Variants in PLCG2 observed in about 807,000 individuals in gnomAD.
The protein encoded by PLCG2 is phospholipase C gamma 2, also known as 1-phosphatidylinositol 4,5-bisphosphate phosphodiesterase gamma-2.
PLCG2 carries 69 observed loss-of-function variants against 175.6 expected under a neutral mutation model. The ratio of observed to expected loss-of-function variants is 0.39; its 90% confidence interval spans 0.32 to 0.48. PLCG2 has a LOEUF of 0.48. Ranked by LOEUF, PLCG2 falls within the 20% of genes least tolerant of loss-of-function variation. The pLI, the probability that PLCG2 is intolerant of heterozygous loss-of-function variation, is 0.91. For missense variants in PLCG2, 1,798 were observed against 1,650.9 expected (o/e 1.09, Z -1.54); for synonymous variants, 827 against 624.0 (o/e 1.33, Z -4.85).
intron 5 of PLCG2, among the ~76,000 whole-genome samples, 190 bp from the exon 6 acceptor site, chr16:81,869,024 T>C (rs937868228): frequency 1.3e-5 from 2 of 152,284 alleles, no homozygotes; most frequent in East Asian, 1.9e-4. Context: ...TGGACATTGC[T>C]TGAGCCTTGC....
intron 2 of PLCG2, among the ~76,000 whole-genome samples, chr16:81,764,332 A>G (rs1186152961): frequency 6.6e-6 from 1 of 152,098 alleles, no homozygotes; most frequent in Non-Finnish European, 1.5e-5. Context: ...AAAAGTGAAA[A>G]GTTACAAAGA....
At chr16:81,936,131 G>C in intron 26 of PLCG2, 38 bp from the exon 27 acceptor site, 3 of 1,609,312 alleles carry the variant, frequency 1.9e-6, no homozygotes, top group Non-Finnish European at 2.5e-6. Flanking sequence ...GCACAGATGA[G>C]ACACAGAAGT....
In PLCG2 at chr16:81,961,844, C is replaced by T. The variant is rs966223910; in HGVS notation, c.*3846C>T. The T allele has an allele frequency of 3.1e-4, 62 of 201,640 alleles. No homozygotes were observed. Among genetic ancestry groups the T allele is most frequent in the African/African-American group, 1.4e-3 (59 of 43,632 alleles). The allele number at this position is 201,640 out of a possible 1,614,324, so 12.5% of individuals were successfully genotyped here. A position where few individuals can be genotyped will look rare whatever the true frequency, so the allele number is the denominator to read the frequency against. On this transcript the variant is annotated 3_prime_UTR_variant, in exon 33 of 33. Transcript: ENST00000564138. ...ATTTATAATGAGAAATTTTAGATGT[C>T]AATATAGCAATGTGCAAGAAGATAG... is the stretch of plus-strand genomic sequence containing the variant.
chr16:81,919,756 A>C, intron 20 of PLCG2, 92 bp downstream of exon 20: 1 of 1,089,454 alleles, frequency 9.2e-7, no homozygotes, highest in Non-Finnish European at 1.4e-6. Flanking sequence ...CTGAGTATTC[A>C]CCATGTATCT....
intron 2 of PLCG2, among the ~76,000 whole-genome samples, chr16:81,808,177 T>A (rs967661601): frequency 6.6e-6 from 1 of 152,242 alleles, no homozygotes; most frequent in South Asian, 2.1e-4. Flanking sequence ...TGCTGGGCCA[T>A]GCAGTAACCA....
chr16:81,950,195 G>A (rs949785959), intron 31 of PLCG2, among the ~76,000 whole-genome samples: 2 of 152,136 alleles, frequency 1.3e-5, no homozygotes, highest in African/African-American at 4.8e-5. Flanking sequence ...AAATCTACCT[G>A]CAGTGTTTAC....
chr16:81,799,623 G>T (rs1252403504), intron 2 of PLCG2, among the ~76,000 whole-genome samples: 1 of 133,558 alleles, frequency 7.5e-6, no homozygotes, highest in African/African-American at 2.8e-5. Flanking sequence ...TTTTGAGACA[G>T]AGTCTCGCTC....
At chr16:81,824,621 G>C (rs1285472809) in intron 2 of PLCG2, among the ~76,000 whole-genome samples, 1 of 152,214 alleles carries the variant, frequency 6.6e-6, no homozygotes, top group Non-Finnish European at 1.5e-5. Flanking sequence ...GGGTGTGGGA[G>C]AGACTGGGCA....
At chr16:81,854,353 G>T (rs1209507501) in intron 2 of PLCG2, 91 bp from the exon 3 acceptor site, 8 of 1,183,346 alleles carry the variant, frequency 6.8e-6, no homozygotes, top group African/African-American at 3.0e-5. Context: ...GAAGGAAGGA[G>T]CCAGGCTGTG....
At position 81,961,297 on chromosome 16, in the gene PLCG2, T is replaced by C. The variant is rs1051156022; in HGVS notation, c.*3299T>C. On this transcript the variant is annotated 3_prime_UTR_variant, in exon 33 of 33. Transcript: ENST00000564138. ...CGGAAAATAGAATTGATGATGAACT[T>C]TGGCTCAATCTTAAGATGTTATCAA... 3.5e-5 allele frequency: 8 copies of C among 225,596 alleles called. No individual in the cohort carries two copies. Among genetic ancestry groups the C allele is most frequent in the African/African-American group, 1.6e-4 (7 of 44,906 alleles). The allele number at this position is 225,596 out of a possible 1,614,324, so 14.0% of individuals were successfully genotyped here. A position where few individuals can be genotyped will look rare whatever the true frequency, so the allele number is the denominator to read the frequency against.
chr16:81,887,796 A>T (rs973126290), intron 9 of PLCG2, among the ~76,000 whole-genome samples: 1 of 152,252 alleles, frequency 6.6e-6, no homozygotes, highest in African/African-American at 2.4e-5. Flanking sequence ...GTCATATTTC[A>T]TCCCCTTTTC....
intron 1 of PLCG2, chr16:81,785,727 G>C: frequency 2.8e-6 from 1 of 352,684 alleles, no homozygotes; most frequent in Non-Finnish European, 5.2e-6. Context: ...TTGGGTCCTT[G>C]AGGTCAGGGG....
upstream of PLCG2, among the ~76,000 whole-genome samples, chr16:81,778,787 A>G (rs4401042): frequency 0.56 from 84,674 of 151,602 alleles, 24,013 homozygotes; most frequent in South Asian, 0.75. Context: ...CCTGGCGGGT[A>G]ATTGTGAAGA....
intron 2 of PLCG2, among the ~76,000 whole-genome samples, chr16:81,836,227 A>T (rs1274906413): frequency 1.3e-5 from 2 of 152,180 alleles, no homozygotes; most frequent in Non-Finnish European, 2.9e-5. Flanking sequence ...TCAGAGGGGG[A>T]AACTGAGGCC....
chr16:81,803,477 G>A (rs12933299), intron 2 of PLCG2, among the ~76,000 whole-genome samples: 37,464 of 151,534 alleles, frequency 0.25, 5,932 homozygotes, highest in East Asian at 0.77. Flanking sequence ...GGACATTTAG[G>A]TAGTTCTCTC....
At chr16:81,777,646 A>G (rs1012226985), upstream of PLCG2, among the ~76,000 whole-genome samples, 1 of 108,744 alleles carries the variant, frequency 9.2e-6, no homozygotes, top group Non-Finnish European at 1.9e-5. Context: ...GAATCCACAG[A>G]TCTTGTGAAG....
chr16:81,765,819 T>A (rs1375938801), intron 2 of PLCG2, among the ~76,000 whole-genome samples: 2 of 152,134 alleles, frequency 1.3e-5, no homozygotes, highest in Non-Finnish European at 2.9e-5. Context: ...TCAGACCCGA[T>A]GCAAAAGCCC....
In PLCG2 at chr16:81,908,561, C is replaced by T; in HGVS notation, c.1703C>T (p.Thr568Ile). 6.2e-7 allele frequency: 1 copy of T among 1,612,374 alleles called. No homozygotes were observed. The highest frequency in any genetic ancestry group is 1.1e-5 in the South Asian group (1 of 90,938). ...ACCTTCCTGGTTCGGGAGAGCGAGACCTTCCCCAATGACTACACCCTGTCC... is the reference window on the plus strand; with the variant it reads ...ACCTTCCTGGTTCGGGAGAGCGAGATCTTCCCCAATGACTACACCCTGTCC... ...DGTFLVRESETFPNDYTLSFW... is the reference protein window; with the variant it reads ...DGTFLVRESEIFPNDYTLSFW... The change falls in exon 17 of 33, where the codon ACC becomes ATC. Residue 568 changes from threonine (T) to isoleucine (I), a missense_variant. Coordinates refer to ENST00000564138, the MANE Select transcript of PLCG2 (RefSeq NM_002661.5).
rs140547757 is a variant in PLCG2, at chr16:81,909,205, C to T, written c.1733+614C>T. On this transcript the variant is annotated intron_variant, in intron 17 of 32. Transcript: ENST00000564138. ...TTGAAGGAGATGGGCAATGAAAAAGCAGTCACTCAAATGATTTGCAAGTAT... is the reference window on the plus strand; with the variant it reads ...TTGAAGGAGATGGGCAATGAAAAAGTAGTCACTCAAATGATTTGCAAGTAT... Among the ~76,000 whole-genome samples, 617 of 152,300 alleles carry T rather than the reference C, an allele frequency of 4.1e-3. 2 individuals are homozygous for T. The highest frequency in any genetic ancestry group is 7.4e-3 in the Non-Finnish European group (501 of 68,014).
Sources: allele counts gnomAD v4.1 joint callset (sites outside exome capture counted in the v4.1 genomes callset), GRCh38; gene constraint gnomAD v4.1.1; transcripts MANE v1.5; gene names NCBI Gene and HGNC (gene_info 2026-07-23, HGNC 2026-07-21).